Variants in IRF8 observed in about 807,000 individuals in gnomAD.
IRF8 encodes interferon consensus sequence binding protein 1.
A neutral mutation model predicts 48.7 loss-of-function variants in IRF8; 14 were observed. The ratio of observed to expected loss-of-function variants is 0.29; its 90% CI spans 0.19 to 0.45. The LOEUF is 0.45. IRF8 is among the 20% of genes least tolerant of loss of function. The probability of loss-of-function intolerance (pLI) is 1.00; values close to 1 mark genes in which losing one functional copy is unlikely to be tolerated. For synonymous variants in IRF8, 278 were observed against 227.3 expected (o/e 1.22, Z -2.01); for missense variants, 493 against 580.7 (o/e 0.85, Z 1.55).
At chr16:85,903,518 C>A (rs1004187964) in intron 2 of IRF8, 1 of 358,174 alleles carries the variant, frequency 2.8e-6, no homozygotes, top group Admixed American at 4.2e-5. Context: ...CCTTTCCCCA[C>A]GGGCTTCCAT....
intron 6 of IRF8, among the ~76,000 whole-genome samples, chr16:85,914,759 G>A (rs1055666263): frequency 1.3e-5 from 2 of 150,372 alleles, no homozygotes; most frequent in Admixed American, 6.6e-5. Context: ...TGTGGAAGTC[G>A]AGGCTCCGTT....
At chr16:85,906,503 G>T (rs957625627) in intron 2 of IRF8, among the ~76,000 whole-genome samples, 1 of 152,260 alleles carries the variant, frequency 6.6e-6, no homozygotes, top group African/African-American at 2.4e-5. Context: ...CAGGCGGCAA[G>T]CCAGGTACCC....
At chr16:85,904,348 G>A (rs1034851368) in intron 2 of IRF8, among the ~76,000 whole-genome samples, 1 of 152,134 alleles carries the variant, frequency 6.6e-6, no homozygotes, top group Admixed American at 6.5e-5. Context: ...GGTGTGGAGG[G>A]GGTCAAGGCT....
At chr16:85,899,737 T>G (rs1904766471) in intron 1 of IRF8, among the ~76,000 whole-genome samples, 1 of 152,316 alleles carries the variant, frequency 6.6e-6, no homozygotes, top group Admixed American at 6.5e-5. Context: ...TTGAGGGCCT[T>G]TGCTTCCATC....
In IRF8 at chr16:85,918,218, CCTT is replaced by C. The variant is rs1905383830; in HGVS notation, c.602-198_602-196del. The C allele has an allele frequency of 2.5e-5, 15 of 602,222 alleles. No homozygotes were observed. In the South Asian group the frequency reaches 3.4e-4, roughly 13 times the overall value. 37.3% of individuals were successfully genotyped at this position (602,222 alleles called of 1,614,324 possible). On this transcript the variant is annotated intron_variant, in intron 6 of 8. Coordinates refer to ENST00000268638, the MANE Select transcript of IRF8 (RefSeq NM_002163.4). The stretch of plus-strand genomic sequence containing the variant: ...AGTTAATATGTTCAGTCATTGGTTT[CCTT>C]AGTCATTCTGTGTATTTATTCATGC...
Position 85,921,915 on chromosome 16 carries a change from C to A in IRF8, c.*633C>A, listed in dbSNP as rs1439687451. 1 of 152,904 alleles carries A rather than the reference C, an allele frequency of 6.5e-6. No individual in the cohort carries two copies. The highest frequency in any genetic ancestry group is 2.4e-5 in the African/African-American group (1 of 41,450). 9.5% of individuals were successfully genotyped at this position (152,904 alleles called of 1,614,324 possible). On this transcript the variant is annotated 3_prime_UTR_variant, in exon 9 of 9. Coordinates refer to ENST00000268638, the MANE Select transcript of IRF8 (RefSeq NM_002163.4). The stretch of plus-strand genomic sequence containing the variant: ...TCCAGGCAAACGGGTGTGTTTTTAT[C>A]TTCAGACAATGAAACCTTCTCCTCT...
intron 2 of IRF8, among the ~76,000 whole-genome samples, chr16:85,905,315 A>T (rs886543655): frequency 9.2e-5 from 14 of 152,180 alleles, no homozygotes; most frequent in African/African-American, 3.1e-4. Flanking sequence ...GCTGACGGAG[A>T]CGAAGCTTCT....
intron 6 of IRF8, among the ~76,000 whole-genome samples, chr16:85,917,018 T>G (rs1241001925): frequency 6.6e-6 from 1 of 152,192 alleles, no homozygotes; most frequent in African/African-American, 2.4e-5. Context: ...AACTCCAGCA[T>G]GGCTGGAAAT....
intron 1 of IRF8, chr16:85,901,139 AT>A (rs1465332710): frequency 1.3e-5 from 2 of 152,082 alleles, no homozygotes; most frequent in African/African-American, 4.8e-5. Flanking sequence ...TTGGTGTTCC[AT>A]TTCTCTTCTC....
At chr16:85,917,069 A>T (rs1018369964) in intron 6 of IRF8, among the ~76,000 whole-genome samples, 4 of 152,132 alleles carry the variant, frequency 2.6e-5, no homozygotes, top group African/African-American at 9.7e-5. Flanking sequence ...TAAGGCAGGG[A>T]GCAGAGCCCA....
chr16:85,906,745 G>A (rs1052967276), intron 2 of IRF8, among the ~76,000 whole-genome samples: 21 of 152,174 alleles, frequency 1.4e-4, no homozygotes, highest in African/African-American at 4.8e-4. Flanking sequence ...GGTGGGGGAG[G>A]TATCATGATT....
intron 3 of IRF8, among the ~76,000 whole-genome samples, chr16:85,910,890 G>T (rs1905123089): frequency 2.6e-5 from 4 of 152,224 alleles, no homozygotes. Flanking sequence ...TTTTGTAAGT[G>T]TTGGTTGTGA....
At chr16:85,907,562 C>T (rs1819567651) in intron 2 of IRF8, among the ~76,000 whole-genome samples, 1 of 152,162 alleles carries the variant, frequency 6.6e-6, no homozygotes, top group Non-Finnish European at 1.5e-5. Flanking sequence ...CCTGTAGTCC[C>T]AGCTACTTGG....
intron 3 of IRF8, 150 bp from the exon 4 acceptor site, chr16:85,911,420 A>G (rs948986937): frequency 8.5e-5 from 59 of 693,538 alleles, no homozygotes; most frequent in Admixed American, 3.8e-4. Context: ...GAAGCATGGG[A>G]AAAAAATTCT....
intron 6 of IRF8, among the ~76,000 whole-genome samples, chr16:85,917,616 C>T (rs1366314173): frequency 6.6e-6 from 1 of 152,218 alleles, no homozygotes; most frequent in Non-Finnish European, 1.5e-5. Context: ...TTTGTCTTGA[C>T]CTCTGACAAT....
chr16:85,904,812 CTTT>C (rs1177860791), intron 2 of IRF8, among the ~76,000 whole-genome samples: 18 of 87,620 alleles, frequency 2.1e-4, no homozygotes, highest in African/African-American at 2.5e-4. Context: ...GATTGCAGAT[CTTT>C]TTTTTTTTTT....
chr16:85,901,243 A>G (rs1904817729), intron 1 of IRF8: 1 of 152,180 alleles, frequency 6.6e-6, no homozygotes, highest in Non-Finnish European at 1.5e-5. Flanking sequence ...CTCTCAACTT[A>G]CAGGTGAGGA....
intron 1 of IRF8, among the ~76,000 whole-genome samples, chr16:85,899,710 A>G (rs1376128936): frequency 6.6e-6 from 1 of 152,344 alleles, no homozygotes; most frequent in Non-Finnish European, 1.5e-5. Context: ...CAGTCAATTA[A>G]GATTTCTGAG....
chr16:85,918,697 G>C lies in IRF8; in HGVS notation c.882G>C (p.Gln294His). 1 of 1,612,128 alleles carries C rather than the reference G, an allele frequency of 6.2e-7. No individual in the cohort carries two copies. ...GCGTGTTCGTCAAGCGGCTGTGCCA[G>C]GGCCGCGTGTTCTGCAGCGGCAACG... ...RQGVFVKRLC[Q>H]GRVFCSGNAV... The change falls in exon 7 of 9, where the codon CAG becomes CAC. Residue 294 changes from glutamine to histidine, a missense_variant. By Grantham distance (24) the Gln-to-His change is conservative. Transcript: ENST00000268638.
Sources: allele counts gnomAD v4.1 joint callset (sites outside exome capture counted in the v4.1 genomes callset), GRCh38; gene constraint gnomAD v4.1.1; transcripts MANE v1.5; gene names NCBI Gene and HGNC (gene_info 2026-07-23, HGNC 2026-07-21).